The following MB variants were observed in gnomAD, a reference collection of about 807,000 sequenced individuals.
MB encodes the protein nitrite reductase MB.
In MB, 10 loss-of-function variants were observed where a neutral mutation model predicts 14.5. That is an observed-to-expected ratio of 0.69 (90% CI 0.43 to 1.17). The LOEUF (loss-of-function observed/expected upper bound fraction) is 1.17, where lower values mean the gene tolerates loss of function less well. Ranked by LOEUF, MB falls within the 50% of genes most tolerant of loss-of-function variation. The pLI is 0.00. For synonymous variants in MB, 89 were observed against 78.6 expected, an observed-to-expected ratio of 1.13 and a Z score of -0.70; for missense variants, 169 against 192.7, an observed-to-expected ratio of 0.88 and a Z score of 0.73.
At chr22:35,619,361 C>T (rs183452351), upstream of MB, among the ~76,000 whole-genome samples, 5 of 152,304 alleles carry the variant, frequency 3.3e-5, no homozygotes, top group African/African-American at 7.2e-5. Flanking sequence ...AGCACCACCC[C>T]GCTTTACAGC....
At chr22:35,612,097 T>C (rs1427003775) in intron 1 of MB, among the ~76,000 whole-genome samples, 1 of 152,174 alleles carries the variant, frequency 6.6e-6, no homozygotes, top group Non-Finnish European at 1.5e-5. Context: ...ACCCTTTCCC[T>C]TGTGCCACAG....
At position 35,610,754 on chromosome 22, in the gene MB, C is replaced by T. The variant is rs191385135; in HGVS notation, c.318+130G>A. On this transcript the variant is annotated intron_variant, in intron 2 of 2. Transcript: ENST00000397326. ...GCAGTCCCCTTTACAAATGAGAAAC[C>T]TGGGGCACAGAGAAGAGTGGCATAG... The T allele has an allele frequency of 2.1e-5, 15 of 701,850 alleles. No homozygotes were observed. In the East Asian group the frequency reaches 2.7e-4, roughly 13 times the overall value. The allele number at this position is 701,850 out of a possible 1,614,324, so 43.5% of individuals were successfully genotyped here.
At chr22:35,611,143 G>T in intron 1 of MB, 37 bp from the exon 2 acceptor site, 1 of 1,515,826 alleles carries the variant, frequency 6.6e-7, no homozygotes, top group Non-Finnish European at 9.1e-7. Context: ...GGCATGGGAG[G>T]TGCGGTGTGA....
chr22:35,617,218 C>T lies in MB; in HGVS notation c.40G>A (p.Val14Ile), dbSNP rs769142739. 17 of 1,614,084 alleles carry T rather than the reference C, an allele frequency of 1.1e-5. No homozygotes were observed. The highest frequency in any genetic ancestry group is 6.7e-5 in the East Asian group (3 of 44,896). The change falls in exon 1 of 3, where the codon GTC (valine) becomes ATC (isoleucine). Residue 14 changes from valine to isoleucine, a missense_variant. Coordinates refer to ENST00000397326, the MANE Select transcript of MB (RefSeq NM_005368.3). ...SDGEWQLVLN[V>I]WGKVEADIPG... is the part of the protein sequence containing the mutation. ...ATGTCAGCCTCCACCTTCCCCCAGA[C>T]GTTCAGCACCAACTGCCATTCCCCG... is the stretch of plus-strand genomic sequence containing the variant.
At position 35,608,784 on chromosome 22, in the gene MB, G is replaced by A. The variant is rs1299210447; in HGVS notation, c.319-1341C>T. Among the ~76,000 whole-genome samples, 1 of 152,182 alleles carries A rather than the reference G, an allele frequency of 6.6e-6. No individual in the cohort carries two copies. The highest frequency in any genetic ancestry group is 1.5e-5 in the Non-Finnish European group (1 of 68,034). On this transcript the variant is annotated intron_variant, in intron 2 of 2. Coordinates refer to ENST00000397326, the MANE Select transcript of MB (RefSeq NM_005368.3). This position sits in a 1 kb window ranked among gnomAD's most constrained non-coding sequence, Gnocchi z 4.3. ...CCAGCTCAGACTTTCTGGAGTCCAT[G>A]GCAGAGCCACTCATATCTAGAAAAC...
chr22:35,608,182 C>T lies in MB; in HGVS notation c.319-739G>A, dbSNP rs1247028959. Among the ~76,000 whole-genome samples the T allele has an allele frequency of 6.6e-6, 1 of 152,192 alleles. No homozygotes were observed. The highest frequency in any genetic ancestry group is 1.5e-5 in the Non-Finnish European group (1 of 68,036). ...GGGAAAACGGAGATGTAGCATGGTG[C>T]TGCTTTAGGGATGGAAAGACTCATG... On this transcript the variant is annotated intron_variant, in intron 2 of 2. Coordinates refer to ENST00000397326, the MANE Select transcript of MB (RefSeq NM_005368.3). This position sits in a 1 kb window ranked among gnomAD's most constrained non-coding sequence, Gnocchi z 4.3.
At chr22:35,615,883 C>T (rs1923043961) in intron 1 of MB, among the ~76,000 whole-genome samples, 1 of 152,126 alleles carries the variant, frequency 6.6e-6, no homozygotes, top group Admixed American at 6.5e-5. Flanking sequence ...ACTACGATGC[C>T]ATTACAGTCA....
At chr22:35,619,629 A>C (rs1312239346), upstream of MB, among the ~76,000 whole-genome samples, 1 of 152,270 alleles carries the variant, frequency 6.6e-6, no homozygotes, top group East Asian at 1.9e-4. Flanking sequence ...TAGCTCTGCC[A>C]GTCAGATCCC....
chr22:35,607,235 A>T lies in MB; in HGVS notation c.*62T>A. ...AGCAAACTCTATATGGCTACACGAG[A>T]TCAGACCCCGCTCTCTCTTGAACCC... On this transcript the variant is annotated 3_prime_UTR_variant, in exon 3 of 3. Coordinates refer to ENST00000397326, the MANE Select transcript of MB (RefSeq NM_005368.3). The T allele has an allele frequency of 1.9e-6, 3 of 1,554,388 alleles. No individual in the cohort carries two copies. In the South Asian group the frequency reaches 3.5e-5, roughly 18 times the overall value.
intron 1 of MB, among the ~76,000 whole-genome samples, chr22:35,613,047 C>G (rs1922764701): frequency 6.6e-6 from 1 of 152,236 alleles, no homozygotes. Context: ...TATCCAAATC[C>G]TCGTGCGTCA....
At chr22:35,615,758 G>A (rs1923032567) in intron 1 of MB, 1 of 152,216 alleles carries the variant, frequency 6.6e-6, no homozygotes, top group African/African-American at 2.4e-5. Flanking sequence ...CATATCTGTG[G>A]CCCAGGAGTT....
chr22:35,611,161 G>C, intron 1 of MB, 55 bp from the exon 2 acceptor site: 3 of 1,306,578 alleles, frequency 2.3e-6, no homozygotes, highest in African/African-American at 1.5e-5. Context: ...TGAGGTCTGG[G>C]GGCAGCCAGA....
chr22:35,613,174 G>A (rs1922780521), intron 1 of MB, among the ~76,000 whole-genome samples: 2 of 152,246 alleles, frequency 1.3e-5, no homozygotes, highest in South Asian at 4.1e-4. Flanking sequence ...GGCATGCACA[G>A]GCGATGGTCA....
chr22:35,610,596 G>A (rs966690446), intron 2 of MB, among the ~76,000 whole-genome samples: 13 of 152,194 alleles, frequency 8.5e-5, no homozygotes, highest in Admixed American at 6.5e-4. Flanking sequence ...TACCCATGGA[G>A]AGGATGCAAA....
At chr22:35,613,489 A>G (rs746077192) in intron 1 of MB, among the ~76,000 whole-genome samples, 1 of 152,102 alleles carries the variant, frequency 6.6e-6, no homozygotes, top group Non-Finnish European at 1.5e-5. Context: ...GAGAGAGCTC[A>G]TATTTACTTT....
upstream of MB, among the ~76,000 whole-genome samples, chr22:35,620,664 T>A (rs1021625275): frequency 6.6e-6 from 1 of 152,216 alleles, no homozygotes; most frequent in African/African-American, 2.4e-5. Context: ...AAGAGGCAGA[T>A]CTGAGACTCC....
chr22:35,619,843 CTTGTG>C (rs1251692040), upstream of MB, among the ~76,000 whole-genome samples: 1 of 152,170 alleles, frequency 6.6e-6, no homozygotes, highest in Non-Finnish European at 1.5e-5. Context: ...CTGGAGGAGC[CTTGTG>C]TCTCCATTCA....
At chr22:35,619,162 T>C (rs1303965056), upstream of MB, among the ~76,000 whole-genome samples, 1 of 152,234 alleles carries the variant, frequency 6.6e-6, no homozygotes, top group African/African-American at 2.4e-5. Flanking sequence ...AACACCTTCC[T>C]GTGTTCAAGG....
chr22:35,607,904 T>A (rs1038775442), intron 2 of MB, among the ~76,000 whole-genome samples: 1 of 152,224 alleles, frequency 6.6e-6, no homozygotes, highest in African/African-American at 2.4e-5. Flanking sequence ...CTATTTCTAT[T>A]TGTGTGTATG....
Sources: gnomAD v4.1 joint callset for allele counts (sites outside exome capture counted in the v4.1 genomes callset) on GRCh38, gnomAD v4.1.1 for gene constraint, Gnocchi (gnomAD v3.1) non-coding constraint, MANE v1.5 for transcripts, NCBI Gene and HGNC (gene_info 2026-07-23, HGNC 2026-07-21) for gene names.